Variants in BTN2A2 observed in about 807,000 individuals in gnomAD.
BTN2A2 encodes butyrophilin 2.
BTN2A2 carries 29 observed loss-of-function variants against 34.7 expected under a neutral mutation model. The observed-to-expected ratio is 0.84, with a 90% CI of 0.62 to 1.14. The LOEUF is 1.14. Ranked by LOEUF, BTN2A2 falls within the 50% of genes most tolerant of loss-of-function variation. The pLI is 0.00. For missense variants in BTN2A2, 612 were observed against 651.5 expected, an observed-to-expected ratio of 0.94 and a Z score of 0.66; for synonymous variants, 240 against 253.1, an observed-to-expected ratio of 0.95 and a Z score of 0.49.
In BTN2A2 at chr6:26,393,430, A is replaced by C. The variant is rs910892169; in HGVS notation, c.*463A>C. ...AACCAGATATGCAGATCAGAGATAG[A>C]GGAAGTGGAACCAGAGAGCTGGGAG... On this transcript the variant is annotated 3_prime_UTR_variant, in exon 8 of 8. Transcript: ENST00000356709. 32 of 1,090,686 alleles carry C rather than the reference A, an allele frequency of 2.9e-5. No individual in the cohort carries two copies. Among genetic ancestry groups the C allele is most frequent in the Non-Finnish European group, 3.4e-5 (30 of 893,770 alleles). 67.6% of individuals were successfully genotyped at this position (1,090,686 alleles called of 1,614,324 possible).
Position 26,383,837 on chromosome 6 carries a change from G to C in BTN2A2, c.16G>C (p.Ala6Pro). The C allele has an allele frequency of 1.2e-6, 2 of 1,614,118 alleles. No homozygotes were observed. Among genetic ancestry groups the C allele is most frequent in the Non-Finnish European group, 8.5e-7 (1 of 1,180,016 alleles). ...CTGGGTGCTCATGGAACCAGCTGCT[G>C]CTCTGCACTTCTCCCTGCCAGCCTC... MEPAA[A>P]LHFSLPASLL... Residue 6 changes from alanine (A) to proline (P), a missense_variant, in exon 2 of 8, where the codon GCT (alanine) becomes CCT (proline). Physicochemically the swap from Ala to Pro is conservative, Grantham distance 27. Transcript: ENST00000356709. This position sits in a 1 kb window ranked among gnomAD's most constrained non-coding sequence, Gnocchi z 4.4.
Position 26,392,428 on chromosome 6 carries a change from G to A in BTN2A2, c.1033G>A (p.Asp345Asn). 6.2e-7 allele frequency: 1 copy of A among 1,614,238 alleles called. No individual in the cohort carries two copies. Among genetic ancestry groups the A allele is most frequent in the Admixed American group, 1.7e-5 (1 of 60,026 alleles). The change falls in exon 8 of 8, where the codon GAC becomes AAC. Residue 345 changes from aspartate to asparagine, a missense_variant. Physicochemically the swap from Asp to Asn is conservative, Grantham distance 23 (BLOSUM62 1). Transcript: ENST00000356709. ...TCATCCCGAGCTCTTCCTGTCAGAG[G>A]ACCGGAGAAGTGTGAGGCGGGGCCC... ...TAHPELFLSEDRRSVRRGPYR... is the reference protein window; with the variant it reads ...TAHPELFLSENRRSVRRGPYR...
chr6:26,394,137 A>G lies in BTN2A2; in HGVS notation c.*1170A>G, dbSNP rs61527210. 3.4e-3 allele frequency: 1,946 copies of G among 569,388 alleles called. 22 individuals are homozygous for G. Among genetic ancestry groups the G allele is most frequent in the African/African-American group, 0.027 (1,453 of 53,440 alleles). The allele number at this position is 569,388 out of a possible 1,614,324, so 35.3% of individuals were successfully genotyped here. On this transcript the variant is annotated 3_prime_UTR_variant, in exon 8 of 8. Transcript: ENST00000356709. ...TACTGCACACTACTGAGAGAATGAG[A>G]TGAAAAACGATTAATGTTTCATTAT...
rs751736615 is a variant in BTN2A2, at chr6:26,392,780, T to C, written c.1385T>C (p.Met462Thr). Residue 462 changes from methionine to threonine, a missense_variant, in exon 8 of 8, where the codon ATG (methionine) becomes ACG (threonine). By Grantham distance (81) the Met-to-Thr change is moderately conservative (BLOSUM62 -1). Coordinates refer to ENST00000356709, the MANE Select transcript of BTN2A2 (RefSeq NM_006995.5). ...GCTGGAGATGTCTCCTTCTACAACATGAGGGACAGATCGCACATCTACACA... is the reference window on the plus strand; with the variant it reads ...GCTGGAGATGTCTCCTTCTACAACACGAGGGACAGATCGCACATCTACACA... ...YEAGDVSFYN[M>T]RDRSHIYTCP... 2 of 1,613,922 alleles carry C rather than the reference T, an allele frequency of 1.2e-6. No homozygotes were observed. Among genetic ancestry groups the C allele is most frequent in the African/African-American group, 1.3e-5 (1 of 74,926 alleles).
intron 3 of BTN2A2, among the ~76,000 whole-genome samples, chr6:26,387,785 C>T (rs1761299286): frequency 6.6e-6 from 1 of 152,150 alleles, no homozygotes; most frequent in Non-Finnish European, 1.5e-5. Context: ...GCACAGCAAG[C>T]ATTTATAGCA....
In BTN2A2 at chr6:26,383,665, T is replaced by C; in HGVS notation, c.-30-127T>C. Reference sequence around the variant, plus strand: ...CCCTCTTTCGGAGATACCTGAGCCTTGAGATGCAAGCGACTCCCAGAAGTT... The same window carrying C: ...CCCTCTTTCGGAGATACCTGAGCCTCGAGATGCAAGCGACTCCCAGAAGTT... On this transcript the variant is annotated intron_variant, in intron 1 of 7. Transcript: ENST00000356709. The surrounding 1 kb of genome is among the most constrained non-coding windows in gnomAD (Gnocchi z 4.4). 1.4e-6 allele frequency: 1 copy of C among 717,798 alleles called. No individual in the cohort carries two copies. The highest frequency in any genetic ancestry group is 2.5e-6 in the Non-Finnish European group (1 of 405,172). The allele number at this position is 717,798 out of a possible 1,614,324, so 44.5% of individuals were successfully genotyped here.
intron 7 of BTN2A2, chr6:26,391,751 A>T (rs1761590941): frequency 6.3e-6 from 1 of 159,680 alleles, no homozygotes; most frequent in Admixed American, 5.9e-5. Flanking sequence ...GGATTGAAGT[A>T]TTTCTTCCCT....
At position 26,385,028 on chromosome 6, in the gene BTN2A2, C is replaced by G; in HGVS notation, c.108C>G (p.Val36=). 1 of 1,613,602 alleles carries G rather than the reference C, an allele frequency of 6.2e-7. No homozygotes were observed. The highest frequency in any genetic ancestry group is 1.1e-5 in the South Asian group (1 of 91,038). The change falls in exon 3 of 8, where the codon GTC becomes GTG. Residue 36 remains valine, a synonymous_variant. Coordinates refer to ENST00000356709, the MANE Select transcript of BTN2A2 (RefSeq NM_006995.5). ...LCALVSAQFT[V]VGPANPILAM... is the part of the protein sequence containing the mutation. The stretch of plus-strand genomic sequence containing the variant: ...CTTGTTGAACAGCCCAGTTTACTGT[C>G]GTGGGGCCAGCTAATCCCATCCTGG...
chr6:26,390,731 A>G (rs984386673), intron 6 of BTN2A2, 24 bp downstream of exon 6: 7 of 1,613,968 alleles, frequency 4.3e-6, no homozygotes, highest in African/African-American at 1.3e-5. Flanking sequence ...TTCCTGAACT[A>G]CTCCGTGTAC....
In BTN2A2 at chr6:26,393,710, G is replaced by A. The variant is rs1645488291; in HGVS notation, c.*743G>A. 2.0e-6 allele frequency: 2 copies of A among 989,318 alleles called. No individual in the cohort carries two copies. Among genetic ancestry groups the A allele is most frequent in the Admixed American group, 1.2e-4 (2 of 16,944 alleles). 61.3% of individuals were successfully genotyped at this position (989,318 alleles called of 1,614,324 possible). Reference sequence around the variant, plus strand: ...GGTCCTGGTCGAGCAGGGCAGTACTGGACCAGGTCTACGTCAGCATTCAGG... The same window carrying A: ...GGTCCTGGTCGAGCAGGGCAGTACTAGACCAGGTCTACGTCAGCATTCAGG... On this transcript the variant is annotated 3_prime_UTR_variant, in exon 8 of 8. Coordinates refer to ENST00000356709, the MANE Select transcript of BTN2A2 (RefSeq NM_006995.5).
chr6:26,385,217 A>G lies in BTN2A2; in HGVS notation c.297A>G (p.Arg99=). Residue 99 remains arginine (R), a synonymous_variant, in exon 3 of 8, where the codon AGA becomes AGG. Coordinates refer to ENST00000356709, the MANE Select transcript of BTN2A2 (RefSeq NM_006995.5). ...TEEQMEEYRG[R]ITFVSKDINR... is the part of the protein sequence containing the mutation. ...AGCAGATGGAGGAGTACCGGGGAAGAATCACCTTTGTGAGCAAAGACATCA... is the reference window on the plus strand; with the variant it reads ...AGCAGATGGAGGAGTACCGGGGAAGGATCACCTTTGTGAGCAAAGACATCA... 2 of 1,614,090 alleles carry G rather than the reference A, an allele frequency of 1.2e-6. No individual in the cohort carries two copies. The highest frequency in any genetic ancestry group is 1.1e-5 in the South Asian group (1 of 91,072).
rs756439910 is a variant in BTN2A2, at chr6:26,385,202, G to A, written c.282G>A (p.Glu94=). The A allele has an allele frequency of 7.4e-6, 12 of 1,614,000 alleles. No homozygotes were observed. The highest frequency in any genetic ancestry group is 1.0e-5 in the Non-Finnish European group (12 of 1,180,036). ...GGRERTEEQM[E]EYRGRITFVS... is the part of the protein sequence containing the mutation. ...GAGAGAGAACAGAGGAGCAGATGGA[G>A]GAGTACCGGGGAAGAATCACCTTTG... is the stretch of plus-strand genomic sequence containing the variant. Residue 94 remains glutamate (E), a synonymous_variant, in exon 3 of 8, where the codon GAG becomes GAA. Transcript: ENST00000356709.
Position 26,394,284 on chromosome 6 carries a change from C to T in BTN2A2, c.*1317C>T. On this transcript the variant is annotated 3_prime_UTR_variant, in exon 8 of 8. Transcript: ENST00000356709. The stretch of plus-strand genomic sequence containing the variant: ...TGGATCCTGGAAGTTAATCCATGTG[C>T]TGGTTAATTTTAGATGTCAACCTGA... 1.4e-6 allele frequency: 1 copy of T among 700,500 alleles called. No individual in the cohort carries two copies. The highest frequency in any genetic ancestry group is 2.6e-6 in the Non-Finnish European group (1 of 384,662). The allele number at this position is 700,500 out of a possible 1,614,324, so 43.4% of individuals were successfully genotyped here.
At chr6:26,389,257 AG>A (rs1433580321) in intron 4 of BTN2A2, among the ~76,000 whole-genome samples, 1 of 152,242 alleles carries the variant, frequency 6.6e-6, no homozygotes, top group Non-Finnish European at 1.5e-5. Flanking sequence ...AAGAGAAAAT[AG>A]AGAGTTCCAG....
intron 7 of BTN2A2, chr6:26,391,127 G>A: frequency 1.8e-6 from 1 of 550,644 alleles, no homozygotes; most frequent in East Asian, 3.0e-5. Context: ...TTACATTTCA[G>A]AAGTCATTGC....
At chr6:26,388,318 C>T (rs371670441) in intron 4 of BTN2A2, 24 bp downstream of exon 4, 165 of 1,611,008 alleles carry the variant, frequency 1.0e-4, no homozygotes, top group Non-Finnish European at 9.4e-5. Flanking sequence ...CCTCTGAGAC[C>T]TATCAAGTGT....
chr6:26,391,213 G>A, intron 7 of BTN2A2: 1 of 327,628 alleles, frequency 3.1e-6, no homozygotes, highest in Non-Finnish European at 5.8e-6. Context: ...TATAGACTGT[G>A]CACAGTTGAA....
At position 26,394,474 on chromosome 6, in the gene BTN2A2, C is replaced by A. The variant is rs995545186; in HGVS notation, c.*1507C>A. On this transcript the variant is annotated 3_prime_UTR_variant, in exon 8 of 8. Transcript: ENST00000356709. ...GCAGAGGAAAGGCAAATTCTTCTCT[C>A]CTCTGGAGCTGAGACACTCTTCTTC... 9 of 593,384 alleles carry A rather than the reference C, an allele frequency of 1.5e-5. No homozygotes were observed. The highest frequency in any genetic ancestry group is 2.7e-5 in the Non-Finnish European group (9 of 327,390). The allele number at this position is 593,384 out of a possible 1,614,324, so 36.8% of individuals were successfully genotyped here.
chr6:26,385,964 G>C (rs564566901), intron 3 of BTN2A2, among the ~76,000 whole-genome samples: 1 of 152,236 alleles, frequency 6.6e-6, no homozygotes, highest in Non-Finnish European at 1.5e-5. Flanking sequence ...AACTGTGCAC[G>C]TCTGAGAGTG....
Sources: allele counts gnomAD v4.1 joint callset (sites outside exome capture counted in the v4.1 genomes callset), GRCh38; gene constraint gnomAD v4.1.1; non-coding constraint Gnocchi (gnomAD v3.1); transcripts MANE v1.5; gene names NCBI Gene and HGNC (gene_info 2026-07-23, HGNC 2026-07-21).